ARHGEF11: variants seen among roughly 807,000 people sequenced by gnomAD.
The protein encoded by ARHGEF11 is Rho guanine nucleotide exchange factor 11.
Under a neutral mutation model 193.7 loss-of-function variants are expected in ARHGEF11, and 55 were observed. That is an observed-to-expected ratio of 0.28 (90% CI 0.23 to 0.36). The LOEUF is 0.36. ARHGEF11 is among the 10% of genes least tolerant of loss of function. ARHGEF11 has a pLI of 1.00. For missense variants in ARHGEF11, 1,723 were observed against 2,005.6 expected, an observed-to-expected ratio of 0.86 and a Z score of 2.69; for synonymous variants, 693 against 768.0, an observed-to-expected ratio of 0.90 and a Z score of 1.62.
chr1:156,947,767 A>C lies in ARHGEF11; in HGVS notation c.2341+2T>G. On this transcript the variant is annotated splice_donor_variant, in intron 25 of 40. Transcript: ENST00000368194. LOFTEE classifies it high-confidence loss of function. The stretch of plus-strand genomic sequence containing the variant: ...GCTGGGGGCAGTGGAGCACGTTCTC[A>C]CCATTGATGACCTCTTGCCGGTCAA... 6.2e-7 allele frequency: 1 copy of C among 1,612,546 alleles called. No individual in the cohort carries two copies. Among genetic ancestry groups the C allele is most frequent in the Non-Finnish European group, 8.5e-7 (1 of 1,179,828 alleles).
intron 12 of ARHGEF11, 40 bp from the exon 13 acceptor site, chr1:156,963,344 C>A (rs763363280): frequency 4.4e-6 from 7 of 1,573,466 alleles, no homozygotes; most frequent in Middle Eastern, 3.4e-4. Context: ...AAGCCGGGCA[C>A]AGCAGCACAG....
chr1:156,959,227 T>A (rs1660430960), intron 15 of ARHGEF11, 85 bp from the exon 16 acceptor site: 1 of 1,157,140 alleles, frequency 8.6e-7, no homozygotes, highest in Non-Finnish European at 1.3e-6. Flanking sequence ...TCAAGGCATT[T>A]CAGCTCCCTA....
chr1:156,968,261 T>G (rs1661990756), intron 10 of ARHGEF11, 137 bp from the exon 11 acceptor site: 18 of 934,316 alleles, frequency 1.9e-5, no homozygotes, highest in Non-Finnish European at 2.5e-5. Context: ...GTGCCTGGTA[T>G]TATACTAAGC....
intron 14 of ARHGEF11, among the ~76,000 whole-genome samples, chr1:156,960,731 C>T (rs774732054): frequency 1.3e-4 from 20 of 152,106 alleles, no homozygotes; most frequent in Non-Finnish European, 2.2e-4. Context: ...GCCATTAGAG[C>T]GCATGGGATG....
At chr1:156,949,450 C>G (rs2101969391) in intron 22 of ARHGEF11, among the ~76,000 whole-genome samples, 1 of 152,258 alleles carries the variant, frequency 6.6e-6, no homozygotes, top group Non-Finnish European at 1.5e-5. Context: ...GAAATGTCTG[C>G]AGAGCTCTTA....
intron 35 of ARHGEF11, 126 bp from the exon 36 acceptor site, chr1:156,940,551 C>T: frequency 1.2e-6 from 1 of 804,886 alleles, no homozygotes; most frequent in Non-Finnish European, 1.9e-6. Context: ...TTACTGAGAA[C>T]TTCCCATGGC....
chr1:156,946,732 T>C lies in ARHGEF11; in HGVS notation c.2624A>G (p.Tyr875Cys). Reference protein sequence around the residue: ...LQQVAAQFCSYQSIALELIKT... With the variant: ...LQQVAAQFCSCQSIALELIKT... Reference sequence around the variant, plus strand: ...GATTAGCTCTAGGGCTATTGACTGATAGGAACAGAACTGTGCAGCCACTTG... The same window carrying C: ...GATTAGCTCTAGGGCTATTGACTGACAGGAACAGAACTGTGCAGCCACTTG... The change falls in exon 28 of 41, where the codon TAT becomes TGT. Residue 875 changes from tyrosine to cysteine, a missense_variant. Physicochemically the swap from Tyr to Cys is radical, Grantham distance 194. Coordinates refer to ENST00000368194, the MANE Select transcript of ARHGEF11 (RefSeq NM_198236.3). 1.9e-6 allele frequency: 3 copies of C among 1,614,178 alleles called. No individual in the cohort carries two copies. The highest frequency in any genetic ancestry group is 1.1e-5 in the South Asian group (1 of 91,078).
At chr1:157,042,203 C>A (rs1317325791) in intron 1 of ARHGEF11, among the ~76,000 whole-genome samples, 1 of 152,128 alleles carries the variant, frequency 6.6e-6, no homozygotes, top group Non-Finnish European at 1.5e-5. Context: ...CAAAGCTGCA[C>A]TATCTTACAA....
intron 1 of ARHGEF11, among the ~76,000 whole-genome samples, chr1:157,017,726 A>G (rs1669449041): frequency 6.6e-6 from 1 of 151,358 alleles, no homozygotes; most frequent in Admixed American, 6.6e-5. Flanking sequence ...AAAAAAAAAA[A>G]AAAAAGAAAC....
At chr1:156,989,626 C>T (rs939478231) in intron 1 of ARHGEF11, among the ~76,000 whole-genome samples, 19 of 152,204 alleles carry the variant, frequency 1.2e-4, no homozygotes, top group African/African-American at 4.1e-4. Flanking sequence ...CCACCTCTGA[C>T]TTGATGGTTG....
intron 1 of ARHGEF11, among the ~76,000 whole-genome samples, chr1:157,008,119 G>A (rs894479939): frequency 1.3e-5 from 2 of 151,972 alleles, no homozygotes; most frequent in African/African-American, 2.4e-5. Context: ...ACTCAAACTC[G>A]AAAATAATGC....
chr1:156,949,188 C>CA, intron 22 of ARHGEF11: 1 of 875,560 alleles, frequency 1.1e-6, no homozygotes, highest in Non-Finnish European at 1.4e-6. Flanking sequence ...GGCCTTTTTA[C>CA]TGATAGGCAG....
chr1:157,039,793 T>G (rs1210777900), intron 1 of ARHGEF11, among the ~76,000 whole-genome samples: 1 of 152,184 alleles, frequency 6.6e-6, no homozygotes, highest in Non-Finnish European at 1.5e-5. Context: ...TTAAAATAAC[T>G]CCTCTTACGT....
chr1:157,018,369 C>T (rs567125904), intron 1 of ARHGEF11, among the ~76,000 whole-genome samples: 1 of 152,080 alleles, frequency 6.6e-6, no homozygotes, highest in South Asian at 2.1e-4. Flanking sequence ...ACCAGCCGGG[C>T]GCGGTGGCTC....
chr1:156,960,924 A>T (rs1660739882), intron 14 of ARHGEF11, among the ~76,000 whole-genome samples: 1 of 152,218 alleles, frequency 6.6e-6, no homozygotes, highest in Non-Finnish European at 1.5e-5. Flanking sequence ...TGACACCTGG[A>T]TACTGGAAAG....
chr1:157,046,138 G>T, upstream of ARHGEF11, among the ~76,000 whole-genome samples: 1 of 148,860 alleles, frequency 6.7e-6, no homozygotes. Context: ...CCCTCGGCGC[G>T]GCCTAGCGGG....
chr1:156,948,388 A>G lies in ARHGEF11; in HGVS notation c.2036T>C (p.Met679Thr). 1 of 1,614,232 alleles carries G rather than the reference A, an allele frequency of 6.2e-7. No individual in the cohort carries two copies. The highest frequency in any genetic ancestry group is 8.5e-7 in the Non-Finnish European group (1 of 1,180,042). Residue 679 changes from methionine (M) to threonine (T), a missense_variant, in exon 23 of 41, where the codon ATG becomes ACG. Transcript: ENST00000368194. The surrounding 1 kb of genome is among the most constrained non-coding windows in gnomAD (Gnocchi z 4.2). ...GCGAGTAGCCTCCGCAGCAGCATCC[A>G]TGTCAACATCACTGCGAGAGCGGGG... is the stretch of plus-strand genomic sequence containing the variant. ...NVPRSRSDVD[M>T]DAAAEATRLH...
At chr1:156,952,362 G>A (rs554028602) in intron 21 of ARHGEF11, among the ~76,000 whole-genome samples, 1 of 152,138 alleles carries the variant, frequency 6.6e-6, no homozygotes, top group Non-Finnish European at 1.5e-5. Context: ...AAAAGGCACA[G>A]GTAATGCCAA....
chr1:156,944,515 G>A, intron 30 of ARHGEF11, 82 bp from the exon 31 acceptor site: 2 of 1,435,014 alleles, frequency 1.4e-6, no homozygotes, highest in East Asian at 4.5e-5. Context: ...GCCAGACATT[G>A]TGTTAAGGTG....
Sources: allele counts gnomAD v4.1 joint callset (sites outside exome capture counted in the v4.1 genomes callset), GRCh38; gene constraint gnomAD v4.1.1; non-coding constraint Gnocchi (gnomAD v3.1); transcripts MANE v1.5; gene names NCBI Gene and HGNC (gene_info 2026-07-23, HGNC 2026-07-21).